Variants in TOMM70 observed in about 807,000 individuals in gnomAD.
The protein encoded by TOMM70 is translocase of outer mitochondrial membrane 70, also known as mitochondrial import receptor subunit TOM70.
A neutral mutation model predicts 73.6 loss-of-function variants in TOMM70; 13 were observed. The observed-to-expected ratio is 0.18, with a 90% CI of 0.11 to 0.28. TOMM70 has a LOEUF of 0.28. Among genes scored for constraint, TOMM70 ranks in the 10% least tolerant of loss-of-function variants. The pLI, the probability that TOMM70 is intolerant of heterozygous loss-of-function variation, is 1.00. For synonymous variants in TOMM70, 257 were observed against 271.2 expected (o/e 0.95, Z 0.51); for missense variants, 609 against 747.5 (o/e 0.81, Z 2.16).
intron 11 of TOMM70, among the ~76,000 whole-genome samples, chr3:100,365,956 T>C (rs1706443910): frequency 6.6e-6 from 1 of 152,242 alleles, no homozygotes; most frequent in Non-Finnish European, 1.5e-5. Context: ...GAATGTCAAC[T>C]ACTATTACAA....
chr3:100,376,154 A>G (rs1361531614), intron 6 of TOMM70, among the ~76,000 whole-genome samples: 1 of 152,148 alleles, frequency 6.6e-6, no homozygotes, highest in Non-Finnish European at 1.5e-5. Flanking sequence ...GATGCCAACA[A>G]TCTTGTCATT....
chr3:100,395,805 A>G (rs1706819810), intron 1 of TOMM70, among the ~76,000 whole-genome samples: 1 of 152,154 alleles, frequency 6.6e-6, no homozygotes, highest in Non-Finnish European at 1.5e-5. Flanking sequence ...AACAAGATAG[A>G]GCCAGTCTCA....
intron 1 of TOMM70, among the ~76,000 whole-genome samples, chr3:100,395,040 A>C (rs1706806685): frequency 6.6e-6 from 1 of 152,168 alleles, no homozygotes; most frequent in Non-Finnish European, 1.5e-5. Flanking sequence ...GGTCATGCAT[A>C]ATCAACTGAT....
intron 3 of TOMM70, among the ~76,000 whole-genome samples, chr3:100,385,219 G>A (rs1472417565): frequency 1.2e-4 from 19 of 152,222 alleles, no homozygotes; most frequent in Admixed American, 6.5e-5. Context: ...ACCACGGCTA[G>A]CGCCAATGTC....
intron 6 of TOMM70, 123 bp from the exon 7 acceptor site, chr3:100,375,275 T>C (rs949745534): frequency 8.3e-6 from 10 of 1,206,252 alleles, no homozygotes; most frequent in Non-Finnish European, 1.1e-5. Flanking sequence ...AAAGTATGCA[T>C]GTCACCTGTT....
At chr3:100,369,013 T>C (rs780693321) in intron 10 of TOMM70, 25 bp downstream of exon 10, 28 of 1,522,536 alleles carry the variant, frequency 1.8e-5, no homozygotes, top group East Asian at 9.0e-5. Context: ...TATTATCTCA[T>C]TGGAACAATC....
chr3:100,368,297 A>C, intron 10 of TOMM70, 131 bp from the exon 11 acceptor site: 2 of 1,093,398 alleles, frequency 1.8e-6, no homozygotes, highest in Non-Finnish European at 2.5e-6. Context: ...GCAATATATA[A>C]TCAGCATCAA....
At chr3:100,381,952 G>A (rs924875612) in intron 4 of TOMM70, among the ~76,000 whole-genome samples, 189 bp from the exon 5 acceptor site, 2 of 152,184 alleles carry the variant, frequency 1.3e-5, no homozygotes, top group African/African-American at 4.8e-5. Context: ...GCTGTTTAAA[G>A]CTGGTTTTAA....
intron 10 of TOMM70, among the ~76,000 whole-genome samples, chr3:100,368,718 G>A (rs1196594429): frequency 6.6e-6 from 1 of 152,136 alleles, no homozygotes; most frequent in Non-Finnish European, 1.5e-5. Context: ...TGGGAATCGG[G>A]CATGTGCCAC....
At position 100,373,410 on chromosome 3, in the gene TOMM70, T is replaced by C. The variant is rs1038515152; in HGVS notation, c.1335+128A>G. 7.5e-6 allele frequency: 5 copies of C among 667,730 alleles called. No individual in the cohort carries two copies. In the African/African-American group the frequency reaches 9.4e-5, roughly 13 times the overall value. The allele number at this position is 667,730 out of a possible 1,614,324, so 41.4% of individuals were successfully genotyped here. On this transcript the variant is annotated intron_variant, in intron 8 of 11. Coordinates refer to ENST00000284320, the MANE Select transcript of TOMM70 (RefSeq NM_014820.5). The stretch of plus-strand genomic sequence containing the variant: ...GAGCTAGGTATCAATCAGCACCTTT[T>C]TTCCTCAGTAGTTATCCTTTGGGAA...
chr3:100,381,898 C>T (rs1706638955), intron 4 of TOMM70, 135 bp from the exon 5 acceptor site: 2 of 907,138 alleles, frequency 2.2e-6, no homozygotes, highest in Admixed American at 3.2e-5. Flanking sequence ...AAGCTCCAAG[C>T]CACAGAACAA....
chr3:100,400,863 C>T lies in TOMM70; in HGVS notation c.87G>A (p.Ala29=). Reference sequence around the variant, plus strand: ...GCGGCAGCCCCCCCGTGCCCGGGCCCGCAGTCCCGCCGCCGCCCACCCCAC... The same window carrying T: ...GCGGCAGCCCCCCCGTGCCCGGGCCTGCAGTCCCGCCGCCGCCCACCCCAC... The part of the protein sequence containing the change: ...SGSGVGGGGT[A]GPGTGGLPRW... The change falls in exon 1 of 12, where the codon GCG becomes GCA. Residue 29 remains alanine (A), a synonymous_variant. Coordinates refer to ENST00000284320, the MANE Select transcript of TOMM70 (RefSeq NM_014820.5). 6.5e-7 allele frequency: 1 copy of T among 1,526,950 alleles called. No homozygotes were observed. The highest frequency in any genetic ancestry group is 8.7e-7 in the Non-Finnish European group (1 of 1,143,926). The allele number at this position is 1,526,950 out of a possible 1,614,324, so 94.6% of individuals were successfully genotyped here.
At chr3:100,379,801 T>C (rs1373068023) in intron 5 of TOMM70, among the ~76,000 whole-genome samples, 1 of 152,118 alleles carries the variant, frequency 6.6e-6, no homozygotes, top group African/African-American at 2.4e-5. Flanking sequence ...TATTCTTCTG[T>C]AGAGACAGGG....
chr3:100,372,674 T>C lies in TOMM70; in HGVS notation c.1384A>G (p.Met462Val), dbSNP rs747132751. Residue 462 changes from methionine to valine, a missense_variant, in exon 9 of 12, where the codon ATG (methionine) becomes GTG (valine). By Grantham distance (21) the Met-to-Val change is conservative (BLOSUM62 1). Around this residue, in one of 2 missense-constraint regions of TOMM70, gnomAD observed 432 missense variants for 584.1 expected, o/e 0.74. Coordinates refer to ENST00000284320, the MANE Select transcript of TOMM70 (RefSeq NM_014820.5). The stretch of plus-strand genomic sequence containing the variant: ...TTTATGACCTCTTCAAAACCTTTCA[T>C]AGCTGCTTGGATTTGTGAAGAGTTG... Reference protein sequence around the residue: ...GNNSSQIQAAMKGFEEVIKKF... With the variant: ...GNNSSQIQAAVKGFEEVIKKF... 8.1e-6 allele frequency: 13 copies of C among 1,614,160 alleles called. No homozygotes were observed. The highest frequency in any genetic ancestry group is 1.3e-5 in the African/African-American group (1 of 75,062).
At chr3:100,394,913 A>G (rs1706805048) in intron 1 of TOMM70, among the ~76,000 whole-genome samples, 2 of 152,148 alleles carry the variant, frequency 1.3e-5, no homozygotes, top group African/African-American at 2.4e-5. Flanking sequence ...GTCCTTTCCC[A>G]TTTCACGTCT....
At position 100,376,433 on chromosome 3, in the gene TOMM70, G is replaced by C. The variant is rs528464573; in HGVS notation, c.1092+1272C>G. 4.2e-5 allele frequency among the ~76,000 whole-genome samples: 6 copies of C among 141,534 alleles called. No homozygotes were observed. In the South Asian group the frequency reaches 1.1e-3, roughly 27 times the overall value. 92.9% of individuals were successfully genotyped at this position (141,534 alleles called of 152,430 possible). On this transcript the variant is annotated intron_variant, in intron 6 of 11. Transcript: ENST00000284320. ...GCTGGAGTACAGTGGCACAAGTCAC[G>C]GCTCACCGCAGACTTGACCTCCCAG... is the stretch of plus-strand genomic sequence containing the variant.
rs909652398 is a variant in TOMM70 at position 100,365,028 on chromosome 3, T to A, written c.*536A>T. On this transcript the variant is annotated 3_prime_UTR_variant, in exon 12 of 12. Coordinates refer to ENST00000284320, the MANE Select transcript of TOMM70 (RefSeq NM_014820.5). ...TCTAAAACTGCAGAATCAGAGGCAT[T>A]GTGCATGCTGACAATGGTTTAAAGG... The A allele has an allele frequency of 6.5e-6, 1 of 152,848 alleles. No homozygotes were observed. Among genetic ancestry groups the A allele is most frequent in the African/African-American group, 2.4e-5 (1 of 41,474 alleles). 9.5% of individuals were successfully genotyped at this position (152,848 alleles called of 1,614,324 possible). A position where few individuals can be genotyped will look rare whatever the true frequency, so the allele number is the denominator to read the frequency against.
chr3:100,378,002 T>C, intron 5 of TOMM70, 90 bp from the exon 6 acceptor site: 1 of 1,146,662 alleles, frequency 8.7e-7, no homozygotes, highest in Non-Finnish European at 1.2e-6. Flanking sequence ...ATCCCAGCAC[T>C]TTGGGAGGCC....
intron 1 of TOMM70, among the ~76,000 whole-genome samples, chr3:100,388,776 G>C (rs1706722170): frequency 6.6e-6 from 1 of 152,050 alleles, no homozygotes; most frequent in Non-Finnish European, 1.5e-5. Flanking sequence ...CATTAAAAGA[G>C]GTTGCTTTTA....
Sources: gnomAD v4.1 joint callset for allele counts (sites outside exome capture counted in the v4.1 genomes callset) on GRCh38, gnomAD v4.1.1 for gene constraint, gnomAD v4.1.1 regional missense constraint, MANE v1.5 for transcripts, NCBI Gene and HGNC (gene_info 2026-07-23, HGNC 2026-07-21) for gene names.